The following PTPN12 variants were observed in gnomAD, a reference collection of about 807,000 sequenced individuals.
PTPN12 encodes tyrosine-protein phosphatase non-receptor type 12.
A neutral mutation model predicts 97.6 loss-of-function variants in PTPN12; 29 were observed. That is an observed-to-expected ratio of 0.30 (90% CI 0.22 to 0.41). PTPN12 has a LOEUF of 0.41. Ranked by LOEUF, PTPN12 falls within the 10% of genes least tolerant of loss-of-function variation. The pLI is 1.00. For synonymous variants in PTPN12, 327 were observed against 300.4 expected, an observed-to-expected ratio of 1.09 and a Z score of -0.91; for missense variants, 819 against 926.0, an observed-to-expected ratio of 0.88 and a Z score of 1.50.
intron 7 of PTPN12, among the ~76,000 whole-genome samples, chr7:77,598,578 G>C (rs1454625256): frequency 6.6e-6 from 1 of 151,910 alleles, no homozygotes; most frequent in Non-Finnish European, 1.5e-5. Flanking sequence ...AGCTACTCAG[G>C]AGGCTGAGGC....
chr7:77,587,790 TCTTAG>T (rs1241798679), intron 5 of PTPN12, among the ~76,000 whole-genome samples: 7 of 152,254 alleles, frequency 4.6e-5, no homozygotes, highest in African/African-American at 1.7e-4. Flanking sequence ...TCATCAGTGC[TCTTAG>T]CTTAGATCTT....
chr7:77,608,129 A>G (rs1431038838), intron 9 of PTPN12, among the ~76,000 whole-genome samples: 1 of 152,166 alleles, frequency 6.6e-6, no homozygotes, highest in African/African-American at 2.4e-5. Context: ...GAGACATTAT[A>G]GTATTGTAGT....
chr7:77,591,866 TG>T (rs1293162708), intron 5 of PTPN12, among the ~76,000 whole-genome samples: 3 of 152,222 alleles, frequency 2.0e-5, no homozygotes, highest in African/African-American at 7.2e-5. Flanking sequence ...AATACCTCCT[TG>T]TACCAGACAC....
At chr7:77,589,448 A>T (rs1421555157) in intron 5 of PTPN12, among the ~76,000 whole-genome samples, 1 of 152,238 alleles carries the variant, frequency 6.6e-6, no homozygotes, top group Non-Finnish European at 1.5e-5. Context: ...AATATGGCAT[A>T]CAAATCAAAC....
chr7:77,564,744 G>GTTTTTTTTTTTT (rs1329627463), intron 1 of PTPN12, among the ~76,000 whole-genome samples: 1 of 34,364 alleles, frequency 2.9e-5, no homozygotes, highest in Non-Finnish European at 5.4e-5. Flanking sequence ...TTTTGTTGTC[G>GTTTTTTTTTTTT]TGTTTTTTTT....
intron 5 of PTPN12, among the ~76,000 whole-genome samples, chr7:77,591,401 G>A (rs985185928): frequency 1.3e-5 from 2 of 152,072 alleles, no homozygotes; most frequent in African/African-American, 4.8e-5. Context: ...CATAAAGTTA[G>A]GCTTTTCATT....
rs774275766 is a variant in PTPN12, at chr7:77,626,726, T to G, written c.1047T>G (p.Ala349=). The G allele has an allele frequency of 6.2e-7, 1 of 1,601,940 alleles. No individual in the cohort carries two copies. Among genetic ancestry groups the G allele is most frequent in the Non-Finnish European group, 8.5e-7 (1 of 1,174,718 alleles). The change falls in exon 13 of 18, where the codon GCT becomes GCG. Residue 349 remains alanine, a synonymous_variant. Transcript: ENST00000248594. ...TCAGTTGCCTTGTTGAAGGGGATGC[T>G]AAAGAAGAAATACTGCAGCCACCGG... The part of the protein sequence containing the change: ...RTRSCLVEGD[A]KEEILQPPEP...
At chr7:77,638,875 A>G in intron 17 of PTPN12, 144 bp downstream of exon 17, 2 of 1,284,706 alleles carry the variant, frequency 1.6e-6, no homozygotes, top group East Asian at 5.7e-5. Context: ...AATAAATGAA[A>G]TACTTAATTC....
chr7:77,635,204 C>T (rs1437028892), intron 14 of PTPN12, among the ~76,000 whole-genome samples: 1 of 152,284 alleles, frequency 6.6e-6, no homozygotes, highest in East Asian at 1.9e-4. Flanking sequence ...GCAGGTGGAT[C>T]TCTGTTCCAT....
In PTPN12 at chr7:77,597,916, T is replaced by A. The variant is rs1261311209; in HGVS notation, c.552+15T>A. 2 of 1,611,438 alleles carry A rather than the reference T, an allele frequency of 1.2e-6. No individual in the cohort carries two copies. The highest frequency in any genetic ancestry group is 4.5e-5 in the East Asian group (2 of 44,740). On this transcript the variant is annotated intron_variant, in intron 7 of 17. Coordinates refer to ENST00000248594, the MANE Select transcript of PTPN12 (RefSeq NM_002835.4). ...AATTTCAAAATGTAGGTACTTACCA[T>A]TTATAGACTATCTGTAAGAATAGTT...
At chr7:77,567,268 ATTGT>A (rs1458596304) in intron 1 of PTPN12, among the ~76,000 whole-genome samples, 1 of 151,602 alleles carries the variant, frequency 6.6e-6, no homozygotes, top group African/African-American at 2.4e-5. Context: ...CACAGAGTTT[ATTGT>A]TTAACAGGGC....
intron 1 of PTPN12, among the ~76,000 whole-genome samples, chr7:77,547,938 A>T (rs891425479): frequency 6.6e-6 from 1 of 152,236 alleles, no homozygotes. Flanking sequence ...AAGGAATATC[A>T]GCTTAAATGC....
At chr7:77,612,665 C>T (rs190428079) in intron 11 of PTPN12, among the ~76,000 whole-genome samples, 1 of 151,870 alleles carries the variant, frequency 6.6e-6, no homozygotes, top group African/African-American at 2.4e-5. Flanking sequence ...CTCGAACTCC[C>T]AACCTCAGGT....
At chr7:77,634,813 C>T (rs766008167) in intron 14 of PTPN12, among the ~76,000 whole-genome samples, 8 of 151,266 alleles carry the variant, frequency 5.3e-5, no homozygotes, top group Non-Finnish European at 1.2e-4. Flanking sequence ...CTCCTGACCT[C>T]GTGATCGCCC....
intron 1 of PTPN12, among the ~76,000 whole-genome samples, chr7:77,568,484 GTAA>G (rs1186268029): frequency 6.6e-6 from 1 of 152,032 alleles, no homozygotes; most frequent in East Asian, 1.9e-4. Flanking sequence ...ACAAAAAATA[GTAA>G]TAATAATTAG....
intron 2 of PTPN12, among the ~76,000 whole-genome samples, chr7:77,580,699 C>A (rs948837155): frequency 6.6e-6 from 1 of 152,028 alleles, no homozygotes; most frequent in Non-Finnish European, 1.5e-5. Flanking sequence ...TTTTTTTACT[C>A]TATTACCTAA....
chr7:77,607,008 C>A (rs1158955667), intron 8 of PTPN12: 2 of 295,658 alleles, frequency 6.8e-6, no homozygotes, highest in Non-Finnish European at 6.2e-6. Flanking sequence ...TAAACTTTAT[C>A]ATAGGTATGT....
At chr7:77,600,005 A>T (rs991278986) in intron 7 of PTPN12, among the ~76,000 whole-genome samples, 1 of 152,226 alleles carries the variant, frequency 6.6e-6, no homozygotes, top group African/African-American at 2.4e-5. Flanking sequence ...ATAAGCATAT[A>T]TTGTATTGGC....
At chr7:77,594,471 A>G (rs1375370598) in intron 6 of PTPN12, among the ~76,000 whole-genome samples, 1 of 152,108 alleles carries the variant, frequency 6.6e-6, no homozygotes, top group Non-Finnish European at 1.5e-5. Flanking sequence ...TCTGTGTAGT[A>G]TGGTTGTTTT....
Sources: allele counts gnomAD v4.1 joint callset (sites outside exome capture counted in the v4.1 genomes callset), GRCh38; gene constraint gnomAD v4.1.1; transcripts MANE v1.5; gene names NCBI Gene and HGNC (gene_info 2026-07-23, HGNC 2026-07-21).